Variants in ALG5 observed in about 807,000 individuals in gnomAD.
The protein encoded by ALG5 is ALG5 dolichyl-phosphate beta-glucosyltransferase.
ALG5 carries 26 observed loss-of-function variants against 51.8 expected under a neutral mutation model. The ratio of observed to expected loss-of-function variants is 0.50; its 90% confidence interval spans 0.37 to 0.70. ALG5 has a LOEUF of 0.70. Among genes scored for constraint, ALG5 ranks in the 30% least tolerant of loss-of-function variants. ALG5 has a pLI of 0.00. For synonymous variants in ALG5, 141 were observed against 136.1 expected (o/e 1.04, Z -0.25); for missense variants, 311 against 399.3 (o/e 0.78, Z 1.88).
At chr13:36,995,060 A>G (rs991996143) in intron 2 of ALG5, 25 bp from the exon 3 acceptor site, 1 of 1,606,870 alleles carries the variant, frequency 6.2e-7, no homozygotes, top group Non-Finnish European at 8.5e-7. Context: ...TATATTAAAA[A>G]TCACTTTTGA....
At chr13:36,983,781 C>G (rs1197305495) in intron 6 of ALG5, among the ~76,000 whole-genome samples, 1 of 151,050 alleles carries the variant, frequency 6.6e-6, no homozygotes, top group African/African-American at 2.4e-5. Flanking sequence ...CAAAAAACAC[C>G]TAGAAAAAAA....
intron 6 of ALG5, among the ~76,000 whole-genome samples, chr13:36,977,804 AAAAAAAAAAAC>A (rs895416494): frequency 1.4e-5 from 2 of 147,538 alleles, no homozygotes; most frequent in Non-Finnish European, 3.0e-5. Flanking sequence ...AAAAAAAAAA[AAAAAAAAAAAC>A]AAAAACGGTG....
chr13:36,953,699 T>G (rs1360316808), intron 8 of ALG5, among the ~76,000 whole-genome samples: 2 of 152,194 alleles, frequency 1.3e-5, no homozygotes, highest in Non-Finnish European at 2.9e-5. Flanking sequence ...TTTGGGAGAT[T>G]TTTTGGTTTT....
At chr13:36,977,122 T>C (rs2058955603) in intron 6 of ALG5, among the ~76,000 whole-genome samples, 1 of 152,224 alleles carries the variant, frequency 6.6e-6, no homozygotes, top group African/African-American at 2.4e-5. Flanking sequence ...TCTGAAGAAT[T>C]CTGATGTAAG....
At chr13:36,971,153 A>G (rs2058921066) in intron 7 of ALG5, among the ~76,000 whole-genome samples, 1 of 152,158 alleles carries the variant, frequency 6.6e-6, no homozygotes, top group African/African-American at 2.4e-5. Flanking sequence ...AACCTACAAA[A>G]TGAAGAATTG....
chr13:36,978,803 C>CTCTT, intron 6 of ALG5, among the ~76,000 whole-genome samples: 1 of 151,088 alleles, frequency 6.6e-6, no homozygotes, highest in South Asian at 2.1e-4. Flanking sequence ...GTAATCCCAG[C>CTCTT]TGTTTGGGAG....
intron 1 of ALG5, among the ~76,000 whole-genome samples, chr13:36,996,857 A>G (rs758689127): frequency 6.6e-6 from 1 of 152,216 alleles, no homozygotes; most frequent in Non-Finnish European, 1.5e-5. Flanking sequence ...ATCCTCAATG[A>G]CTACTAAAAC....
intron 8 of ALG5, among the ~76,000 whole-genome samples, chr13:36,954,291 T>G (rs1004925495): frequency 6.6e-6 from 1 of 152,172 alleles, no homozygotes; most frequent in African/African-American, 2.4e-5. Flanking sequence ...TTTGTTCTTT[T>G]GAGATTTCCT....
In ALG5 at chr13:36,957,474, G is replaced by C. The variant is rs9531999; in HGVS notation, c.774-4875C>G. Among the ~76,000 whole-genome samples, 1,058 of 152,108 alleles carry C rather than the reference G, an allele frequency of 7.0e-3. 4 individuals carry two copies. Among genetic ancestry groups the C allele is most frequent in the Admixed American group, 8.4e-3 (129 of 15,270 alleles). On this transcript the variant is annotated intron_variant, in intron 8 of 9. Coordinates refer to ENST00000239891, the MANE Select transcript of ALG5 (RefSeq NM_013338.5). ...ACAATGGCCCCGCTTTCAAGGCTGC[G>C]GTAACCCAGGAAGTATCCCAGGCGT... is the stretch of plus-strand genomic sequence containing the variant.
intron 8 of ALG5, among the ~76,000 whole-genome samples, chr13:36,963,594 ATGAGTT>A (rs1336557635): frequency 6.6e-6 from 1 of 152,226 alleles, no homozygotes; most frequent in East Asian, 1.9e-4. Flanking sequence ...TCTATTAACT[ATGAGTT>A]TATTTTATTT....
chr13:36,973,986 A>G (rs1429628120), intron 6 of ALG5, among the ~76,000 whole-genome samples: 1 of 152,256 alleles, frequency 6.6e-6, no homozygotes, highest in Non-Finnish European at 1.5e-5. Context: ...AATTCTTCCG[A>G]CAAATATACT....
At chr13:36,957,598 A>C (rs1049550565) in intron 8 of ALG5, among the ~76,000 whole-genome samples, 2 of 152,016 alleles carry the variant, frequency 1.3e-5, no homozygotes, top group African/African-American at 4.8e-5. Context: ...AAAAAAGCTA[A>C]CCCAAGAAAC....
intron 6 of ALG5, among the ~76,000 whole-genome samples, chr13:36,979,282 G>A (rs935180479): frequency 1.3e-5 from 2 of 152,162 alleles, no homozygotes; most frequent in Admixed American, 6.5e-5. Context: ...TTACAGGGAT[G>A]AGCCACTGTG....
chr13:36,992,397 A>G (rs2059029364), intron 4 of ALG5, among the ~76,000 whole-genome samples: 1 of 152,222 alleles, frequency 6.6e-6, no homozygotes, highest in Admixed American at 6.5e-5. Context: ...CTGCAAAACC[A>G]AGAAGATAAA....
At chr13:36,961,474 T>C (rs1476504883) in intron 8 of ALG5, among the ~76,000 whole-genome samples, 1 of 152,142 alleles carries the variant, frequency 6.6e-6, no homozygotes, top group Admixed American at 6.5e-5. Flanking sequence ...ATAAGTAACC[T>C]AGAGATGATT....
chr13:36,953,584 G>C (rs747531499), intron 8 of ALG5, among the ~76,000 whole-genome samples: 1 of 152,160 alleles, frequency 6.6e-6, no homozygotes, highest in Non-Finnish European at 1.5e-5. Context: ...GCTGCACAGA[G>C]CACAGTTCAA....
intron 8 of ALG5, among the ~76,000 whole-genome samples, chr13:36,959,438 C>T (rs2138784486): frequency 6.6e-6 from 1 of 152,284 alleles, no homozygotes; most frequent in African/African-American, 2.4e-5. Context: ...CATAATATCA[C>T]TTTGTATCCT....
chr13:36,974,431 T>G (rs1027580638), intron 6 of ALG5, among the ~76,000 whole-genome samples: 1 of 152,180 alleles, frequency 6.6e-6, no homozygotes, highest in Non-Finnish European at 1.5e-5. Flanking sequence ...ACTCATGAAT[T>G]ATCTTACTAC....
chr13:36,957,948 C>T (rs745796605), intron 8 of ALG5, among the ~76,000 whole-genome samples: 19 of 152,104 alleles, frequency 1.2e-4, no homozygotes, highest in South Asian at 4.1e-4. Flanking sequence ...CTACCCCAAC[C>T]GCGTTTAAAG....
Sources: allele counts gnomAD v4.1 joint callset (sites outside exome capture counted in the v4.1 genomes callset), GRCh38; gene constraint gnomAD v4.1.1; transcripts MANE v1.5; gene names NCBI Gene and HGNC (gene_info 2026-07-23, HGNC 2026-07-21).